Variants in TENM3 observed in about 807,000 individuals in gnomAD.
TENM3 encodes teneurin transmembrane protein 3, also known as teneurin-3.
A neutral mutation model predicts 255.1 loss-of-function variants in TENM3; 63 were observed. The ratio of observed to expected loss-of-function variants is 0.25; its 90% CI spans 0.20 to 0.30. TENM3 has a LOEUF of 0.30. Among genes scored for constraint, TENM3 ranks in the 10% least tolerant of loss-of-function variants. TENM3 has a pLI of 1.00. For missense variants in TENM3, 2,929 were observed against 3,461.1 expected (o/e 0.85, Z 3.86); for synonymous variants, 1,306 against 1,322.3 (o/e 0.99, Z 0.27).
chr4:181,941,844 T>G, the TENM3 span, among the ~76,000 whole-genome samples: 1 of 152,198 alleles, frequency 6.6e-6, no homozygotes, highest in Non-Finnish European at 1.5e-5. Flanking sequence ...CTGACATGAG[T>G]GTCTCATGAA....
intron 1 of TENM3, among the ~76,000 whole-genome samples, chr4:182,153,487 A>G (rs1750483750): frequency 6.6e-6 from 1 of 152,130 alleles, no homozygotes; most frequent in Admixed American, 6.6e-5. Context: ...TCATTCAAGT[A>G]TGATGTTAGG....
At chr4:181,892,561 G>A in the TENM3 span, among the ~76,000 whole-genome samples, 1 of 152,192 alleles carries the variant, frequency 6.6e-6, no homozygotes, top group East Asian at 1.9e-4. Context: ...TTACTTTCTC[G>A]ATCTTGGAAC....
intron 18 of TENM3, 103 bp from the exon 19 acceptor site, chr4:182,743,067 C>T: frequency 8.1e-7 from 1 of 1,235,064 alleles, no homozygotes; most frequent in South Asian, 1.6e-5. Context: ...TTAATCCAGA[C>T]CTGACAGGCA....
chr4:182,558,836 TTGGAGATGTTATAA>T (rs1742834376), intron 3 of TENM3, among the ~76,000 whole-genome samples: 1 of 152,182 alleles, frequency 6.6e-6, no homozygotes, highest in Admixed American at 6.5e-5. Context: ...TGTTTCCTTA[TTGGAGATGTTATAA>T]TTCCAAAGAG....
chr4:182,653,967 T>C, intron 6 of TENM3, 74 bp downstream of exon 6: 1 of 1,434,058 alleles, frequency 7.0e-7, no homozygotes, highest in South Asian at 1.5e-5. Context: ...TTACCCATGC[T>C]TACATCTAGT....
intron 7 of TENM3, among the ~76,000 whole-genome samples, chr4:182,673,503 G>A (rs1381712933): frequency 1.3e-5 from 2 of 152,214 alleles, no homozygotes; most frequent in East Asian, 3.9e-4. Context: ...AAACACCATG[G>A]ATTTTCCAAG....
chr4:181,531,966 A>G, the TENM3 span, among the ~76,000 whole-genome samples: 3 of 152,206 alleles, frequency 2.0e-5, no homozygotes, highest in African/African-American at 7.2e-5. Flanking sequence ...TCGCACAACC[A>G]TCCCCAGGTG....
chr4:181,542,366 A>G, the TENM3 span, among the ~76,000 whole-genome samples: 2 of 152,180 alleles, frequency 1.3e-5, no homozygotes, highest in African/African-American at 4.8e-5. Context: ...CAGCCATGAT[A>G]GAAAGTTTGG....
At chr4:181,846,575 AT>A in the TENM3 span, among the ~76,000 whole-genome samples, 2 of 152,216 alleles carry the variant, frequency 1.3e-5, no homozygotes, top group Non-Finnish European at 2.9e-5. Flanking sequence ...GAGATAAACA[AT>A]TGTTTGAAGA....
chr4:182,209,838 C>T (rs1754874870), intron 1 of TENM3, among the ~76,000 whole-genome samples: 1 of 151,978 alleles, frequency 6.6e-6, no homozygotes, highest in African/African-American at 2.4e-5. Context: ...GAATGAGATC[C>T]AAGACTGGCT....
chr4:182,167,765 A>G (rs1009479132), intron 1 of TENM3, among the ~76,000 whole-genome samples: 12 of 152,074 alleles, frequency 7.9e-5, no homozygotes, highest in African/African-American at 2.9e-4. Flanking sequence ...AGTCCCAGCT[A>G]CTTGGGAGGC....
At chr4:181,567,792 A>G in the TENM3 span, among the ~76,000 whole-genome samples, 1 of 152,140 alleles carries the variant, frequency 6.6e-6, no homozygotes, top group South Asian at 2.1e-4. Flanking sequence ...TACATATAAT[A>G]TTGGATTTAG....
rs369300956 is a variant in TENM3 at position 182,758,611 on chromosome 4, G to A, written c.4892+3352G>A. The stretch of plus-strand genomic sequence containing the variant: ...TTTTGTAGTTATTGGTGAACTGGCC[G>A]ACTCCCAGAATATTAGTACGTGTCT... On this transcript the variant is annotated intron_variant, in intron 22 of 27. Coordinates refer to ENST00000511685, the MANE Select transcript of TENM3 (RefSeq NM_001080477.4). 6.6e-5 allele frequency among the ~76,000 whole-genome samples: 10 copies of A among 152,038 alleles called. No homozygotes were observed. In the East Asian group the frequency reaches 1.5e-3, roughly 23 times the overall value.
chr4:181,694,211 A>G, the TENM3 span, among the ~76,000 whole-genome samples: 1 of 152,216 alleles, frequency 6.6e-6, no homozygotes, highest in Non-Finnish European at 1.5e-5. Context: ...TGACCTATGC[A>G]CACAAAGAAA....
chr4:181,533,998 C>T, the TENM3 span, among the ~76,000 whole-genome samples: 1 of 152,216 alleles, frequency 6.6e-6, no homozygotes, highest in Non-Finnish European at 1.5e-5. Flanking sequence ...CTAGTGAATA[C>T]TCCAAGTCAT....
At chr4:182,587,536 A>G (rs1406524461) in intron 3 of TENM3, among the ~76,000 whole-genome samples, 1 of 152,146 alleles carries the variant, frequency 6.6e-6, no homozygotes, top group Non-Finnish European at 1.5e-5. Flanking sequence ...CCAAGATCGC[A>G]CCACTGCACT....
intron 1 of TENM3, among the ~76,000 whole-genome samples, chr4:182,176,274 A>G (rs187478921): frequency 2.0e-5 from 3 of 152,308 alleles, no homozygotes; most frequent in Admixed American, 2.0e-4. Flanking sequence ...GTGGGCTTCA[A>G]AATGAACTAG....
the TENM3 span, among the ~76,000 whole-genome samples, chr4:182,091,540 G>A: frequency 2.6e-5 from 4 of 152,164 alleles, no homozygotes; most frequent in African/African-American, 9.7e-5. Flanking sequence ...TGCGTACCTG[G>A]TGCTCAAACC....
At chr4:182,550,004 T>C (rs943887710) in intron 3 of TENM3, among the ~76,000 whole-genome samples, 8 of 152,258 alleles carry the variant, frequency 5.3e-5, no homozygotes, top group Non-Finnish European at 1.2e-4. Flanking sequence ...ATTACAATTA[T>C]GTATTGGAGT....
Sources: allele counts gnomAD v4.1 joint callset (sites outside exome capture counted in the v4.1 genomes callset), GRCh38; gene constraint gnomAD v4.1.1; transcripts MANE v1.5; gene names NCBI Gene and HGNC (gene_info 2026-07-23, HGNC 2026-07-21).